PRDM5: variants seen among roughly 807,000 people sequenced by gnomAD.
The protein encoded by PRDM5 is PR domain zinc finger protein 5.
PRDM5 carries 56 observed loss-of-function variants against 81.2 expected under a neutral mutation model. The ratio of observed to expected loss-of-function variants is 0.69; its 90% CI spans 0.56 to 0.86. The LOEUF (loss-of-function observed/expected upper bound fraction) is 0.86. PRDM5 is among the 40% of genes least tolerant of loss of function. The probability of loss-of-function intolerance (pLI) is 0.00; values close to 1 mark genes in which losing one functional copy is unlikely to be tolerated. For missense variants in PRDM5, 697 were observed against 770.1 expected, an observed-to-expected ratio of 0.91 and a Z score of 1.12; for synonymous variants, 267 against 256.4, an observed-to-expected ratio of 1.04 and a Z score of -0.39.
chr4:120,722,263 C>T (rs843570), intron 14 of PRDM5, among the ~76,000 whole-genome samples: 71,270 of 151,882 alleles, frequency 0.47, 17,343 homozygotes, highest in East Asian at 0.65. Flanking sequence ...TGACCCTGGG[C>T]GTGACATTTA....
chr4:120,767,909 C>T (rs1746622037), intron 13 of PRDM5, among the ~76,000 whole-genome samples: 2 of 152,282 alleles, frequency 1.3e-5, no homozygotes, highest in Admixed American at 1.3e-4. Flanking sequence ...CCTGCACATG[C>T]TCTGTTGCCT....
chr4:120,818,256 G>A, intron 5 of PRDM5, 97 bp downstream of exon 5: 7 of 1,198,524 alleles, frequency 5.8e-6, no homozygotes, highest in Middle Eastern at 2.7e-4. Context: ...GTGCGCGCGT[G>A]CACACACACA....
chr4:120,847,549 A>G (rs1034438506), intron 3 of PRDM5, among the ~76,000 whole-genome samples: 1 of 152,188 alleles, frequency 6.6e-6, no homozygotes, highest in Non-Finnish European at 1.5e-5. Context: ...CAACCTCATG[A>G]AAGTCCTTGA....
chr4:120,747,070 G>T (rs1051784344), intron 14 of PRDM5, among the ~76,000 whole-genome samples: 3 of 146,548 alleles, frequency 2.0e-5, no homozygotes, highest in African/African-American at 7.6e-5. Context: ...TTAAGAAAAT[G>T]TGGCACATAT....
intron 2 of PRDM5, among the ~76,000 whole-genome samples, chr4:120,869,286 T>C (rs1761536483): frequency 6.6e-6 from 1 of 152,172 alleles, no homozygotes; most frequent in Non-Finnish European, 1.5e-5. Flanking sequence ...ATCTTCTTTA[T>C]ATAAAAAGAA....
At chr4:120,699,167 T>TATAA (rs1560889277) in intron 15 of PRDM5, among the ~76,000 whole-genome samples, 2 of 19,942 alleles carry the variant, frequency 1.0e-4, no homozygotes, top group East Asian at 5.0e-3. Flanking sequence ...TATAAATATA[T>TATAA]ATATATATAT....
chr4:120,885,919 C>A (rs1763393382), intron 2 of PRDM5: 1 of 152,004 alleles, frequency 6.6e-6, no homozygotes, highest in South Asian at 2.1e-4. Flanking sequence ...AATTTGGCTT[C>A]TAATTCCAAG....
chr4:120,885,003 A>G (rs1253851714), intron 2 of PRDM5, among the ~76,000 whole-genome samples: 2 of 151,118 alleles, frequency 1.3e-5, no homozygotes, highest in East Asian at 3.9e-4. Context: ...ACAAAAAATT[A>G]CCCAGGCACG....
At chr4:120,704,840 G>A (rs1434587279) in intron 15 of PRDM5, among the ~76,000 whole-genome samples, 2 of 152,184 alleles carry the variant, frequency 1.3e-5, no homozygotes, top group African/African-American at 4.8e-5. Context: ...ATGACAGGGA[G>A]GGGGAAGAAG....
At chr4:120,847,563 A>G (rs1245914967) in intron 3 of PRDM5, among the ~76,000 whole-genome samples, 1 of 152,218 alleles carries the variant, frequency 6.6e-6, no homozygotes, top group Non-Finnish European at 1.5e-5. Context: ...TCCTTGAACC[A>G]GAACCCCAGA....
chr4:120,858,950 G>A (rs779660531), intron 2 of PRDM5, among the ~76,000 whole-genome samples: 36 of 152,198 alleles, frequency 2.4e-4, no homozygotes, highest in Non-Finnish European at 5.1e-4. Flanking sequence ...CACTTTGGGT[G>A]AGTCGTTTCC....
At chr4:120,778,721 T>C (rs557579983) in intron 12 of PRDM5, among the ~76,000 whole-genome samples, 4 of 152,140 alleles carry the variant, frequency 2.6e-5, no homozygotes, top group African/African-American at 4.8e-5. Flanking sequence ...CCAACAACAC[T>C]GTGTAAAACA....
intron 10 of PRDM5, among the ~76,000 whole-genome samples, chr4:120,787,829 G>A (rs1749984599): frequency 6.6e-6 from 1 of 152,080 alleles, no homozygotes; most frequent in Admixed American, 6.6e-5. Context: ...TAGCACTACA[G>A]GTACTTGAAT....
At chr4:120,847,828 C>G (rs1758831327) in intron 3 of PRDM5, among the ~76,000 whole-genome samples, 1 of 152,086 alleles carries the variant, frequency 6.6e-6, no homozygotes, top group Non-Finnish European at 1.5e-5. Context: ...ATAAAAGATT[C>G]TGTTTTACCG....
intron 2 of PRDM5, among the ~76,000 whole-genome samples, chr4:120,881,544 T>C (rs748801209): frequency 2.6e-5 from 4 of 152,230 alleles, no homozygotes; most frequent in Non-Finnish European, 5.9e-5. Flanking sequence ...TTTAAAAATT[T>C]TGTGTCTGGA....
intron 15 of PRDM5, among the ~76,000 whole-genome samples, chr4:120,698,599 G>A (rs529114848): frequency 6.6e-6 from 1 of 152,234 alleles, no homozygotes; most frequent in African/African-American, 2.4e-5. Context: ...CTCAACAGTG[G>A]AGTACTTAAC....
intron 14 of PRDM5, among the ~76,000 whole-genome samples, chr4:120,722,775 CTA>C (rs1468559244): frequency 6.6e-6 from 1 of 152,060 alleles, no homozygotes; most frequent in Admixed American, 6.6e-5. Context: ...GAAGGTAAGT[CTA>C]TGGGAGATTC....
chr4:120,873,256 G>C (rs1177637024), intron 2 of PRDM5, among the ~76,000 whole-genome samples: 1 of 151,956 alleles, frequency 6.6e-6, no homozygotes, highest in Non-Finnish European at 1.5e-5. Flanking sequence ...TACCCATCTC[G>C]GCCTCCCAAA....
At chr4:120,902,163 CAGCTGCTACTGGATTCACCAGT>C (rs1310079370) in intron 2 of PRDM5, among the ~76,000 whole-genome samples, 7 of 152,146 alleles carry the variant, frequency 4.6e-5, no homozygotes, top group Non-Finnish European at 1.0e-4. Flanking sequence ...TGGAGGATTC[CAGCTGCTACTGGATTCACCAGT>C]AGCCACTTTA....
Sources: allele counts gnomAD v4.1 joint callset (sites outside exome capture counted in the v4.1 genomes callset), GRCh38; gene constraint gnomAD v4.1.1; transcripts MANE v1.5; gene names NCBI Gene and HGNC (gene_info 2026-07-23, HGNC 2026-07-21).